Variants in HCN2 observed in about 807,000 individuals in gnomAD.
The protein encoded by HCN2 is potassium/sodium hyperpolarization-activated cyclic nucleotide-gated channel 2.
In HCN2, 20 loss-of-function variants were observed where a neutral mutation model predicts 52.3. The ratio of observed to expected loss-of-function variants is 0.38; its 90% CI spans 0.27 to 0.56. The LOEUF (loss-of-function observed/expected upper bound fraction) is 0.56. Among genes scored for constraint, HCN2 ranks in the 20% least tolerant of loss-of-function variants. The pLI is 0.71. For missense variants in HCN2, 981 were observed against 1,207.7 expected (o/e 0.81, Z 2.78); for synonymous variants, 694 against 537.0 (o/e 1.29, Z -4.04).
intron 1 of HCN2, among the ~76,000 whole-genome samples, chr19:601,128 C>A (rs555176787): frequency 6.6e-6 from 1 of 152,192 alleles, no homozygotes; most frequent in Non-Finnish European, 1.5e-5. Flanking sequence ...GCCTGACCAA[C>A]ATGGTGAAAC....
intron 4 of HCN2, among the ~76,000 whole-genome samples, chr19:609,778 G>A (rs908777890): frequency 2.0e-5 from 3 of 152,162 alleles, no homozygotes; most frequent in Admixed American, 2.0e-4. Flanking sequence ...GCGCACACCT[G>A]CAGTCCCTGC....
Position 616,518 on chromosome 19 carries a change from G to A in HCN2, c.*44G>A. The stretch of plus-strand genomic sequence containing the variant: ...CGGGCCCAGGCGGGCCGGGGGCGGG[G>A]CCGTCATCCAGACCAAAGCCATGCC... On this transcript the variant is annotated 3_prime_UTR_variant, in exon 8 of 8. Coordinates refer to ENST00000251287, the MANE Select transcript of HCN2 (RefSeq NM_001194.4). The A allele has an allele frequency of 8.7e-7, 1 of 1,147,190 alleles. No homozygotes were observed. The highest frequency in any genetic ancestry group is 1.1e-6 in the Non-Finnish European group (1 of 919,702). The allele number at this position is 1,147,190 out of a possible 1,614,324, so 71.1% of individuals were successfully genotyped here. A position where few individuals can be genotyped will look rare whatever the true frequency, so the allele number is the denominator to read the frequency against.
rs146970110 is a variant in HCN2 at position 603,763 on chromosome 19, G to A, written c.852G>A (p.Lys284=). Residue 284 remains lysine, a synonymous_variant, in exon 2 of 8, where the codon AAG becomes AAA. Transcript: ENST00000251287. ...EIILDPEKIK[K]KYLRTWFVVD... ...TCCTGGACCCCGAGAAGATCAAGAA[G>A]AAGTATCTGCGCACGTGGTTCGTGG... The A allele has an allele frequency of 3.7e-6, 6 of 1,612,826 alleles. No individual in the cohort carries two copies. In the African/African-American group the frequency reaches 6.7e-5, roughly 18 times the overall value.
intron 2 of HCN2, 114 bp downstream of exon 2, chr19:604,081 A>G: frequency 2.9e-6 from 2 of 679,494 alleles, no homozygotes; most frequent in Non-Finnish European, 4.6e-6. Flanking sequence ...GGGCCAAGGC[A>G]GCAGGGGTGG....
At chr19:606,196 G>T (rs1983422871) in intron 3 of HCN2, among the ~76,000 whole-genome samples, 1 of 152,098 alleles carries the variant, frequency 6.6e-6, no homozygotes, top group Non-Finnish European at 1.5e-5. Context: ...ACCTCCCAGG[G>T]TTCAAGGGAT....
intron 1 of HCN2, among the ~76,000 whole-genome samples, chr19:595,227 C>T (rs560325168): frequency 6.6e-6 from 1 of 151,986 alleles, no homozygotes; most frequent in South Asian, 2.1e-4. Context: ...ACCTAAAAAC[C>T]CACATATTCA....
chr19:611,418 G>A (rs1304035662), intron 5 of HCN2, among the ~76,000 whole-genome samples: 1 of 152,164 alleles, frequency 6.6e-6, no homozygotes, highest in East Asian at 1.9e-4. Context: ...TGTCCCCGGT[G>A]TAGCACCTGG....
At chr19:612,001 C>T (rs536200149) in intron 5 of HCN2, among the ~76,000 whole-genome samples, 155 of 152,182 alleles carry the variant, frequency 1.0e-3, no homozygotes, top group African/African-American at 3.4e-3. Flanking sequence ...CAAAATTAGC[C>T]GGGCGTGGTG....
chr19:616,518 G>T lies in HCN2; in HGVS notation c.*44G>T. Reference sequence around the variant, plus strand: ...CGGGCCCAGGCGGGCCGGGGGCGGGGCCGTCATCCAGACCAAAGCCATGCC... The same window carrying T: ...CGGGCCCAGGCGGGCCGGGGGCGGGTCCGTCATCCAGACCAAAGCCATGCC... On this transcript the variant is annotated 3_prime_UTR_variant, in exon 8 of 8. Transcript: ENST00000251287. 5.2e-6 allele frequency: 6 copies of T among 1,147,190 alleles called. No individual in the cohort carries two copies. Among genetic ancestry groups the T allele is most frequent in the Non-Finnish European group, 6.5e-6 (6 of 919,702 alleles). The allele number at this position is 1,147,190 out of a possible 1,614,324, so 71.1% of individuals were successfully genotyped here.
At chr19:606,267 A>C (rs1983425550) in intron 3 of HCN2, among the ~76,000 whole-genome samples, 1 of 151,804 alleles carries the variant, frequency 6.6e-6, no homozygotes, top group Admixed American at 6.6e-5. Flanking sequence ...CACCTGGATA[A>C]TTTTCGTACT....
chr19:611,431 C>T (rs917318600), intron 5 of HCN2, among the ~76,000 whole-genome samples: 3 of 152,046 alleles, frequency 2.0e-5, no homozygotes, highest in Admixed American at 6.5e-5. Context: ...GCACCTGGCT[C>T]GGGCAGAGGC....
At position 615,916 on chromosome 19, in the gene HCN2, G is replaced by C. The variant is rs764686938; in HGVS notation, c.2112G>C (p.Gln704His). ...AGTACGACCGCGAGATGGTGCAGCAGGCCGAGCTGGGTCAGCGCGTGGGCC... is the reference window on the plus strand; with the variant it reads ...AGTACGACCGCGAGATGGTGCAGCACGCCGAGCTGGGTCAGCGCGTGGGCC... ...IVKYDREMVQ[Q>H]AELGQRVGLF... is the part of the protein sequence containing the mutation. The change falls in exon 8 of 8, where the codon CAG becomes CAC. Residue 704 changes from glutamine (Q) to histidine (H), a missense_variant. By Grantham distance (24) the Gln-to-His change is conservative. This residue lies in a region of HCN2 where 368 missense variants were observed against 314.8 expected (regional missense o/e 1.17). Coordinates refer to ENST00000251287, the MANE Select transcript of HCN2 (RefSeq NM_001194.4). 3.7e-6 allele frequency: 6 copies of C among 1,612,098 alleles called. No individual in the cohort carries two copies. In the East Asian group the frequency reaches 1.3e-4, roughly 36 times the overall value.
intron 7 of HCN2, among the ~76,000 whole-genome samples, chr19:614,974 C>T (rs1196278412): frequency 6.6e-6 from 1 of 152,112 alleles, no homozygotes; most frequent in Non-Finnish European, 1.5e-5. Flanking sequence ...CCCTGGTGTA[C>T]AGTAGGAAGC....
chr19:613,707 G>C (rs1250768160), intron 6 of HCN2, 145 bp from the exon 7 acceptor site: 2 of 600,096 alleles, frequency 3.3e-6, no homozygotes, highest in Non-Finnish European at 4.7e-6. Flanking sequence ...ATGGGGCCGG[G>C]GATGGGGCCG....
At chr19:602,971 GCT>G (rs2144515029) in intron 1 of HCN2, among the ~76,000 whole-genome samples, 1 of 61,406 alleles carries the variant, frequency 1.6e-5, no homozygotes, top group Non-Finnish European at 3.3e-5. Context: ...ACCGGCCTGA[GCT>G]GTGGGCACCC....
intron 4 of HCN2, among the ~76,000 whole-genome samples, chr19:609,513 C>T (rs1983534574): frequency 6.6e-6 from 1 of 152,346 alleles, no homozygotes; most frequent in South Asian, 2.1e-4. Flanking sequence ...TGCCTGTAAT[C>T]CCGGCACTCT....
At chr19:609,050 C>G (rs962627568) in intron 4 of HCN2, among the ~76,000 whole-genome samples, 3 of 152,180 alleles carry the variant, frequency 2.0e-5, no homozygotes, top group African/African-American at 7.2e-5. Flanking sequence ...TGGCTGGGAG[C>G]CAAGTGCCCC....
At chr19:596,050 C>T (rs1457019937) in intron 1 of HCN2, among the ~76,000 whole-genome samples, 3 of 152,234 alleles carry the variant, frequency 2.0e-5, no homozygotes, top group Non-Finnish European at 4.4e-5. Context: ...GGTCCTGGGC[C>T]TTCTGTTGCC....
rs1044317076 is a variant in HCN2, at chr19:592,259, T to C, written c.632+1682T>C. On this transcript the variant is annotated intron_variant, in intron 1 of 7. Transcript: ENST00000251287. This position sits in a 1 kb window ranked among gnomAD's most constrained non-coding sequence, Gnocchi z 4.8. Reference sequence around the variant, plus strand: ...CCTCCAGCATGACCTTCGACAGAGATGGGTGCACCGCAGCGTGGGGGCTGG... The same window carrying C: ...CCTCCAGCATGACCTTCGACAGAGACGGGTGCACCGCAGCGTGGGGGCTGG... Among the ~76,000 whole-genome samples, 1 of 152,050 alleles carries C rather than the reference T, an allele frequency of 6.6e-6. No individual in the cohort carries two copies. Among genetic ancestry groups the C allele is most frequent in the Non-Finnish European group, 1.5e-5 (1 of 67,978 alleles).
Sources: allele counts gnomAD v4.1 joint callset (sites outside exome capture counted in the v4.1 genomes callset), GRCh38; gene constraint gnomAD v4.1.1; regional missense constraint gnomAD v4.1.1; non-coding constraint Gnocchi (gnomAD v3.1); transcripts MANE v1.5; gene names NCBI Gene and HGNC (gene_info 2026-07-23, HGNC 2026-07-21).